Variants in RHOJ observed in about 807,000 individuals in gnomAD.
RHOJ encodes rho-related GTP-binding protein RhoJ.
In RHOJ, 11 loss-of-function variants were observed where a neutral mutation model predicts 23.4. The observed-to-expected ratio is 0.47, with a 90% CI of 0.30 to 0.78. RHOJ has a LOEUF of 0.78. Ranked by LOEUF, RHOJ falls within the 30% of genes least tolerant of loss-of-function variation. RHOJ has a pLI of 0.08. For synonymous variants in RHOJ, 102 were observed against 102.7 expected (o/e 0.99, Z 0.04); for missense variants, 254 against 273.4 (o/e 0.93, Z 0.50).
At chr14:63,243,850 T>C (rs1259478816) in intron 1 of RHOJ, among the ~76,000 whole-genome samples, 1 of 152,162 alleles carries the variant, frequency 6.6e-6, no homozygotes, top group Non-Finnish European at 1.5e-5. Flanking sequence ...TTTTTTTTAA[T>C]TGGGCTATGA....
intron 1 of RHOJ, among the ~76,000 whole-genome samples, chr14:63,214,476 A>G (rs994977192): frequency 3.9e-5 from 6 of 152,354 alleles, no homozygotes; most frequent in African/African-American, 1.4e-4. Flanking sequence ...ACAGATATGC[A>G]TGTAAAATTT....
chr14:63,223,824 T>C (rs1274265295), intron 1 of RHOJ, among the ~76,000 whole-genome samples: 5 of 149,624 alleles, frequency 3.3e-5, no homozygotes, highest in Non-Finnish European at 7.4e-5. Context: ...CATGTTTTAA[T>C]TTTTTTCCAT....
intron 1 of RHOJ, among the ~76,000 whole-genome samples, chr14:63,209,000 G>A (rs926908821): frequency 6.6e-6 from 1 of 151,992 alleles, no homozygotes; most frequent in African/African-American, 2.4e-5. Context: ...CTTTGGTATT[G>A]ACTCCTTTCT....
intron 1 of RHOJ, 120 bp from the exon 2 acceptor site, chr14:63,268,990 C>G: frequency 1.5e-6 from 1 of 688,460 alleles, no homozygotes; most frequent in Non-Finnish European, 2.6e-6. Flanking sequence ...TGTACATGAG[C>G]GAGGCATATG....
At chr14:63,237,327 CTCAG>C (rs1894807409) in intron 1 of RHOJ, among the ~76,000 whole-genome samples, 1 of 151,944 alleles carries the variant, frequency 6.6e-6, no homozygotes, top group Admixed American at 6.6e-5. Context: ...TATTAACCAG[CTCAG>C]TTTATTTTAT....
Position 63,254,144 on chromosome 14 carries a change from G to A in RHOJ, c.179-14966G>A, listed in dbSNP as rs117224277. Among the ~76,000 whole-genome samples, 411 of 152,278 alleles carry A rather than the reference G, an allele frequency of 2.7e-3. 1 individual carries two copies. The highest frequency in any genetic ancestry group is 4.5e-3 in the Non-Finnish European group (306 of 68,012). Reference sequence around the variant, plus strand: ...CACAGGACCGGATCAGCATTGTCTCGGCTGTCAGTGCTGGGAACTGGCCAA... The same window carrying A: ...CACAGGACCGGATCAGCATTGTCTCAGCTGTCAGTGCTGGGAACTGGCCAA... On this transcript the variant is annotated intron_variant, in intron 1 of 4. Coordinates refer to ENST00000316754, the MANE Select transcript of RHOJ (RefSeq NM_020663.5).
chr14:63,238,367 T>C (rs1054295522), intron 1 of RHOJ, among the ~76,000 whole-genome samples: 5 of 152,196 alleles, frequency 3.3e-5, no homozygotes, highest in Non-Finnish European at 7.3e-5. Context: ...TAAAACTAGC[T>C]TTTCAAAGAT....
At chr14:63,209,820 T>C (rs1392480476) in intron 1 of RHOJ, among the ~76,000 whole-genome samples, 1 of 152,166 alleles carries the variant, frequency 6.6e-6, no homozygotes, top group African/African-American at 2.4e-5. Context: ...GTCCAATAGA[T>C]ATCTGTTTAG....
At position 63,204,747 on chromosome 14, in the gene RHOJ, A is replaced by C; in HGVS notation, c.-123A>C. The C allele has an allele frequency of 2.1e-6, 2 of 930,628 alleles. No homozygotes were observed. Among genetic ancestry groups the C allele is most frequent in the Non-Finnish European group, 3.3e-6 (2 of 601,844 alleles). The allele number at this position is 930,628 out of a possible 1,614,324, so 57.6% of individuals were successfully genotyped here. On this transcript the variant is annotated 5_prime_UTR_variant, in exon 1 of 5. Transcript: ENST00000316754. ...AGCCTCGGACATGTCTGTATGATCCAAGGTACCCAAAGTCAGACAGAGTAA... is the reference window on the plus strand; with the variant it reads ...AGCCTCGGACATGTCTGTATGATCCCAGGTACCCAAAGTCAGACAGAGTAA...
intron 1 of RHOJ, among the ~76,000 whole-genome samples, chr14:63,254,051 G>A (rs902667636): frequency 1.4e-4 from 22 of 152,126 alleles, no homozygotes; most frequent in African/African-American, 7.2e-5. Context: ...TTGTGGAGGT[G>A]GGGGTCAAGG....
chr14:63,291,187 A>G lies in RHOJ; in HGVS notation c.*163A>G, dbSNP rs1423320374. 2 of 766,474 alleles carry G rather than the reference A, an allele frequency of 2.6e-6. No individual in the cohort carries two copies. The highest frequency in any genetic ancestry group is 3.4e-5 in the African/African-American group (2 of 58,316). 47.5% of individuals were successfully genotyped at this position (766,474 alleles called of 1,614,324 possible). ...GCCCTCCCAACACAGCACACTAGTC[A>G]GCCCACTGCCACGACCTCCCTGCCA... On this transcript the variant is annotated 3_prime_UTR_variant, in exon 5 of 5. Coordinates refer to ENST00000316754, the MANE Select transcript of RHOJ (RefSeq NM_020663.5).
rs981603307 is a variant in RHOJ, at chr14:63,281,145, T to C, written c.402+10T>C. On this transcript the variant is annotated intron_variant, in intron 3 of 4. Coordinates refer to ENST00000316754, the MANE Select transcript of RHOJ (RefSeq NM_020663.5). ...CCTCATAGGGACCCAGGTTAAAATGTGGGCGATGGCAGGGTGGAGCGGGCT... is the reference window on the plus strand; with the variant it reads ...CCTCATAGGGACCCAGGTTAAAATGCGGGCGATGGCAGGGTGGAGCGGGCT... 3.7e-6 allele frequency: 6 copies of C among 1,600,426 alleles called. No individual in the cohort carries two copies. The Middle Eastern group carries it at 1.0e-3, about 269-fold the overall frequency.
chr14:63,273,380 G>C (rs1033177604), intron 2 of RHOJ, among the ~76,000 whole-genome samples: 2 of 152,222 alleles, frequency 1.3e-5, no homozygotes, highest in Non-Finnish European at 2.9e-5. Context: ...GAATGTTAAA[G>C]GGATATCTAG....
intron 1 of RHOJ, among the ~76,000 whole-genome samples, chr14:63,205,497 A>G (rs1894090448): frequency 6.6e-6 from 1 of 152,350 alleles, no homozygotes; most frequent in East Asian, 1.9e-4. Context: ...ATAAATGAAA[A>G]TGCTAAGATT....
chr14:63,283,375 G>A, intron 4 of RHOJ, 159 bp downstream of exon 4: 1 of 624,188 alleles, frequency 1.6e-6, no homozygotes, highest in South Asian at 2.0e-5. Flanking sequence ...TAGTCGGGCT[G>A]GAAGGAGCCA....
chr14:63,224,449 G>C (rs200117376), intron 1 of RHOJ, among the ~76,000 whole-genome samples: 1 of 152,116 alleles, frequency 6.6e-6, no homozygotes, highest in Non-Finnish European at 1.5e-5. Context: ...AGCAGCAGTT[G>C]GGGGGAGGGG....
chr14:63,278,021 T>A (rs926334172), intron 2 of RHOJ, among the ~76,000 whole-genome samples: 1 of 142,814 alleles, frequency 7.0e-6, no homozygotes, highest in Admixed American at 6.8e-5. Flanking sequence ...ACAACTTGGC[T>A]GAGATGCAAC....
intron 1 of RHOJ, among the ~76,000 whole-genome samples, chr14:63,256,799 C>T (rs1365980681): frequency 2.6e-5 from 4 of 152,094 alleles, no homozygotes; most frequent in South Asian, 4.2e-4. Context: ...AATGGCCAGG[C>T]GTGGTGGCTC....
At chr14:63,219,319 CT>C (rs1163130775) in intron 1 of RHOJ, among the ~76,000 whole-genome samples, 1 of 151,992 alleles carries the variant, frequency 6.6e-6, no homozygotes, top group Non-Finnish European at 1.5e-5. Context: ...TTTTCGACTT[CT>C]TTGAAAATGG....
Sources: allele counts gnomAD v4.1 joint callset (sites outside exome capture counted in the v4.1 genomes callset), GRCh38; gene constraint gnomAD v4.1.1; transcripts MANE v1.5; gene names NCBI Gene and HGNC (gene_info 2026-07-23, HGNC 2026-07-21).